Variants in NAT8L observed in about 807,000 individuals in gnomAD.
NAT8L encodes the protein aspartate N-acetyltransferase.
In NAT8L, 6 loss-of-function variants were observed where a neutral mutation model predicts 21.2. That is an observed-to-expected ratio of 0.28 (90% CI 0.16 to 0.56). The LOEUF is 0.56. Among genes scored for constraint, NAT8L ranks in the 20% least tolerant of loss-of-function variants. The probability of loss-of-function intolerance (pLI) is 0.93; values close to 1 mark genes in which losing one functional copy is unlikely to be tolerated. For missense variants in NAT8L, 331 were observed against 433.3 expected, an observed-to-expected ratio of 0.76 and a Z score of 2.10; for synonymous variants, 239 against 204.9, an observed-to-expected ratio of 1.17 and a Z score of -1.42.
rs1458685854 is a variant in NAT8L, at chr4:2,060,630, C to T, written c.377-368C>T. Among the ~76,000 whole-genome samples the T allele has an allele frequency of 5.3e-5, 8 of 151,718 alleles. No individual in the cohort carries two copies. The highest frequency in any genetic ancestry group is 1.2e-4 in the Non-Finnish European group (8 of 67,804). On this transcript the variant is annotated intron_variant, in intron 1 of 2. Coordinates refer to ENST00000423729, the MANE Select transcript of NAT8L (RefSeq NM_178557.4). This position sits in a 1 kb window ranked among gnomAD's most constrained non-coding sequence, Gnocchi z 4.7. ...ACGTGGGACACCCCCCTTCCTCCTC[C>T]CCCCTCCCCCCTCCCCCGCGCGGGG... is the stretch of plus-strand genomic sequence containing the variant.
Position 2,059,397 on chromosome 4 carries a change from TGC to T in NAT8L, c.-114_-113del. 1 of 237,284 alleles carries T rather than the reference TGC, an allele frequency of 4.2e-6. No homozygotes were observed. The highest frequency in any genetic ancestry group is 6.5e-6 in the Non-Finnish European group (1 of 154,058). 14.7% of individuals were successfully genotyped at this position (237,284 alleles called of 1,614,324 possible). On this transcript the variant is annotated 5_prime_UTR_variant, in exon 1 of 3. Transcript: ENST00000423729. The surrounding 1 kb of genome is among the most constrained non-coding windows in gnomAD (Gnocchi z 4.8). ...GAGCTGCCGCCGCCGCCGCCGCCGCTGCCGCCGCCGCCGCCGCCGCCGCGGGT... is the reference window on the plus strand; with the variant it reads ...GAGCTGCCGCCGCCGCCGCCGCCGCTCGCCGCCGCCGCCGCCGCCGCGGGT...
chr4:2,063,115 G>A (rs1379523160), intron 2 of NAT8L, among the ~76,000 whole-genome samples: 1 of 152,266 alleles, frequency 6.6e-6, no homozygotes, highest in Admixed American at 6.5e-5. Context: ...GCCAGGAGAG[G>A]CCGGGGCCAG....
Position 2,061,158 on chromosome 4 carries a change from G to C in NAT8L, c.537G>C (p.Pro179=). The stretch of plus-strand genomic sequence containing the variant: ...ACATCGAGCAGTACTACATGAAGCC[G>C]CCCGGTGAGTCCCGCTCCCGCCGCT... ...MADIEQYYMK[P]PGSCFWVAVL... The change falls in exon 2 of 3, where the codon CCG becomes CCC. Residue 179 remains proline, a synonymous_variant. Coordinates refer to ENST00000423729, the MANE Select transcript of NAT8L (RefSeq NM_178557.4). 1 of 1,610,172 alleles carries C rather than the reference G, an allele frequency of 6.2e-7. No individual in the cohort carries two copies. Among genetic ancestry groups the C allele is most frequent in the Non-Finnish European group, 8.5e-7 (1 of 1,178,612 alleles).
rs1166474274 is a variant in NAT8L at position 2,068,458 on chromosome 4, CATATGT to C, written c.*4334_*4339del. 6.6e-6 allele frequency: 1 copy of C among 152,160 alleles called. No individual in the cohort carries two copies. Among genetic ancestry groups the C allele is most frequent in the East Asian group, 1.9e-4 (1 of 5,192 alleles). 9.4% of individuals were successfully genotyped at this position (152,160 alleles called of 1,614,324 possible). A position where few individuals can be genotyped will look rare whatever the true frequency, so the allele number is the denominator to read the frequency against. The stretch of plus-strand genomic sequence containing the variant: ...TCTTGTGTACTTCTCTGAGGGGGCA[CATATGT>C]ATGAGTGTATGAGTGCATACATATG... On this transcript the variant is annotated 3_prime_UTR_variant, in exon 3 of 3. Coordinates refer to ENST00000423729, the MANE Select transcript of NAT8L (RefSeq NM_178557.4).
At chr4:2,063,732 G>A in intron 2 of NAT8L, 28 bp from the exon 3 acceptor site, 1 of 1,608,156 alleles carries the variant, frequency 6.2e-7, no homozygotes, top group Non-Finnish European at 8.5e-7. Flanking sequence ...TCCTCACCGG[G>A]TGTCCCTGAC....
chr4:2,059,389 GC>G lies in NAT8L; in HGVS notation c.-121del. ...GCGCCCCTGAGCTGCCGCCGCCGCC[GC>G]CGCCGCTGCCGCCGCCGCCGCCGCC... On this transcript the variant is annotated 5_prime_UTR_variant, in exon 1 of 3. Coordinates refer to ENST00000423729, the MANE Select transcript of NAT8L (RefSeq NM_178557.4). The surrounding 1 kb of genome is among the most constrained non-coding windows in gnomAD (Gnocchi z 4.8). 2 of 209,544 alleles carry G rather than the reference GC, an allele frequency of 9.5e-6. No individual in the cohort carries two copies. The highest frequency in any genetic ancestry group is 1.6e-5 in the Non-Finnish European group (2 of 125,074). 13.0% of individuals were successfully genotyped at this position (209,544 alleles called of 1,614,324 possible). A position where few individuals can be genotyped will look rare whatever the true frequency, so the allele number is the denominator to read the frequency against.
Position 2,060,041 on chromosome 4 carries a change from A to T in NAT8L, c.376+154A>T, listed in dbSNP as rs1417712752. 6.6e-6 allele frequency among the ~76,000 whole-genome samples: 1 copy of T among 151,176 alleles called. No individual in the cohort carries two copies. Among genetic ancestry groups the T allele is most frequent in the Non-Finnish European group, 1.5e-5 (1 of 67,706 alleles). On this transcript the variant is annotated intron_variant, in intron 1 of 2. Transcript: ENST00000423729. The surrounding 1 kb of genome is among the most constrained non-coding windows in gnomAD (Gnocchi z 4.7). ...CGCCGGGCCCCGCGCAGGGCTGGCT[A>T]TGGGCGTGGGGATGGGCGCAGGGCC... is the stretch of plus-strand genomic sequence containing the variant.
In NAT8L at chr4:2,059,331, G is replaced by C. The variant is rs1356175580; in HGVS notation, c.-181G>C. 1.4e-5 allele frequency among the ~76,000 whole-genome samples: 2 copies of C among 145,096 alleles called. No individual in the cohort carries two copies. Among genetic ancestry groups the C allele is most frequent in the Non-Finnish European group, 3.1e-5 (2 of 65,472 alleles). ...TCTCCAAAATGCGGCGCAGCTCCCT[G>C]CGCGCGCCCCGGCCGCCCGCCGCCT... is the stretch of plus-strand genomic sequence containing the variant. On this transcript the variant is annotated 5_prime_UTR_variant, in exon 1 of 3. Transcript: ENST00000423729. This position sits in a 1 kb window ranked among gnomAD's most constrained non-coding sequence, Gnocchi z 4.8.
Position 2,064,213 on chromosome 4 carries a change from C to G in NAT8L, c.*86C>G. ...CCGCCCGGCGCGGCCTGCTTTCAGA[C>G]GCTCAATTGGCGTTTGTGTTGGGTT... is the stretch of plus-strand genomic sequence containing the variant. On this transcript the variant is annotated 3_prime_UTR_variant, in exon 3 of 3. Coordinates refer to ENST00000423729, the MANE Select transcript of NAT8L (RefSeq NM_178557.4). The G allele has an allele frequency of 2.0e-6, 2 of 987,112 alleles. No individual in the cohort carries two copies. Among genetic ancestry groups the G allele is most frequent in the Non-Finnish European group, 2.5e-6 (2 of 785,956 alleles). 61.1% of individuals were successfully genotyped at this position (987,112 alleles called of 1,614,324 possible). A position where few individuals can be genotyped will look rare whatever the true frequency, so the allele number is the denominator to read the frequency against.
Position 2,061,007 on chromosome 4 carries a change from T to G in NAT8L, c.386T>G (p.Phe129Cys), listed in dbSNP as rs1729846512. 6.5e-7 allele frequency: 1 copy of G among 1,541,378 alleles called. No homozygotes were observed. The highest frequency in any genetic ancestry group is 8.8e-7 in the Non-Finnish European group (1 of 1,138,440). The change falls in exon 2 of 3, where the codon TTC (phenylalanine) becomes TGC (cysteine). Residue 129 changes from phenylalanine (F) to cysteine (C), a missense_variant. This residue lies in a region of NAT8L where 199 missense variants were observed against 196.1 expected (regional missense o/e 1.01). Transcript: ENST00000423729. ...LLYALLAALC[F>C]AVSRSLLLTC... ...CGCCCTCTGCCCCCAGCGCTGTGCT[T>G]CGCCGTGAGCCGCTCGCTGCTGCTG...
At position 2,067,542 on chromosome 4, in the gene NAT8L, T is replaced by C. The variant is rs1730029471; in HGVS notation, c.*3415T>C. ...GGTGCTGGGGAAGCTCTCTGGGCCA[T>C]AGGGACCTGGCTCCCCTCTGAGAGG... is the stretch of plus-strand genomic sequence containing the variant. On this transcript the variant is annotated 3_prime_UTR_variant, in exon 3 of 3. Coordinates refer to ENST00000423729, the MANE Select transcript of NAT8L (RefSeq NM_178557.4). The C allele has an allele frequency of 6.6e-6, 1 of 152,318 alleles. No individual in the cohort carries two copies. Among genetic ancestry groups the C allele is most frequent in the Non-Finnish European group, 1.5e-5 (1 of 68,130 alleles). The allele number at this position is 152,318 out of a possible 1,614,324, so 9.4% of individuals were successfully genotyped here.
Position 2,059,881 on chromosome 4 carries a change from C to T in NAT8L, c.370C>T (p.Leu124=). ...HPRAQLLYAL[L]AALCFAVSRS... ...GCGCGCGCAGCTGCTCTACGCCCTGCTGGCGGGTCAGTGCGCCGGGCCCCC... is the reference window on the plus strand; with the variant it reads ...GCGCGCGCAGCTGCTCTACGCCCTGTTGGCGGGTCAGTGCGCCGGGCCCCC... The change falls in exon 1 of 3, where the codon CTG becomes TTG. Residue 124 remains leucine, a synonymous_variant. Transcript: ENST00000423729. The surrounding 1 kb of genome is among the most constrained non-coding windows in gnomAD (Gnocchi z 4.8). 1 of 1,330,362 alleles carries T rather than the reference C, an allele frequency of 7.5e-7. No individual in the cohort carries two copies. The allele number at this position is 1,330,362 out of a possible 1,614,324, so 82.4% of individuals were successfully genotyped here.
rs1272989482 is a variant in NAT8L, at chr4:2,059,373, AGCTGCCGCCGCCGCCGCCGCC to A, written c.-115_-95del. ...CCGCCGCCTCCGCCCCGCGCCCCTG[AGCTGCCGCCGCCGCCGCCGCC>A]GCTGCCGCCGCCGCCGCCGCCGCCG... On this transcript the variant is annotated 5_prime_UTR_variant, in exon 1 of 3. Transcript: ENST00000423729. The surrounding 1 kb of genome is among the most constrained non-coding windows in gnomAD (Gnocchi z 4.8). 2.4e-4 allele frequency: 38 copies of A among 157,454 alleles called. No individual in the cohort carries two copies. The highest frequency in any genetic ancestry group is 2.8e-4 in the African/African-American group (11 of 38,676). 9.8% of individuals were successfully genotyped at this position (157,454 alleles called of 1,614,324 possible).
rs1729967957 is a variant in NAT8L, at chr4:2,064,953, G to C, written c.*826G>C. On this transcript the variant is annotated 3_prime_UTR_variant, in exon 3 of 3. Transcript: ENST00000423729. ...GCTGGCCTCTCCCAGATGTCCCCGGGGACCTCCTGCCTCTGGCTGACGGTC... is the reference window on the plus strand; with the variant it reads ...GCTGGCCTCTCCCAGATGTCCCCGGCGACCTCCTGCCTCTGGCTGACGGTC... 1 of 152,428 alleles carries C rather than the reference G, an allele frequency of 6.6e-6. No individual in the cohort carries two copies. Among genetic ancestry groups the C allele is most frequent in the South Asian group, 2.1e-4 (1 of 4,824 alleles). The allele number at this position is 152,428 out of a possible 1,614,324, so 9.4% of individuals were successfully genotyped here.
Position 2,068,925 on chromosome 4 carries a change from G to A in NAT8L, c.*4798G>A, listed in dbSNP as rs1486218449. The A allele has an allele frequency of 6.6e-6, 1 of 152,182 alleles. No individual in the cohort carries two copies. Among genetic ancestry groups the A allele is most frequent in the Non-Finnish European group, 1.5e-5 (1 of 68,022 alleles). The allele number at this position is 152,182 out of a possible 1,614,324, so 9.4% of individuals were successfully genotyped here. On this transcript the variant is annotated 3_prime_UTR_variant, in exon 3 of 3. Transcript: ENST00000423729. ...CCCGAAACTGTACTGTGAGCCCACG[G>A]CGGGGGCAGATTGTTCTGAGGCCCC...
rs751019244 is a variant in NAT8L, at chr4:2,066,516, G to A, written c.*2389G>A. The A allele has an allele frequency of 6.6e-5, 10 of 152,370 alleles. No individual in the cohort carries two copies. The highest frequency in any genetic ancestry group is 2.6e-4 in the Admixed American group (4 of 15,308). 9.4% of individuals were successfully genotyped at this position (152,370 alleles called of 1,614,324 possible). A position where few individuals can be genotyped will look rare whatever the true frequency, so the allele number is the denominator to read the frequency against. On this transcript the variant is annotated 3_prime_UTR_variant, in exon 3 of 3. Transcript: ENST00000423729. ...CCTTGAAGGCCACTGGGGGGTAGGT[G>A]TGTCCTCCCCCGGGGCTGGAGGCCG...
At position 2,059,999 on chromosome 4, in the gene NAT8L, C is replaced by T. The variant is rs1193002071; in HGVS notation, c.376+112C>T. 9 of 577,312 alleles carry T rather than the reference C, an allele frequency of 1.6e-5. No homozygotes were observed. The highest frequency in any genetic ancestry group is 2.1e-5 in the Non-Finnish European group (9 of 426,658). The allele number at this position is 577,312 out of a possible 1,614,324, so 35.8% of individuals were successfully genotyped here. A position where few individuals can be genotyped will look rare whatever the true frequency, so the allele number is the denominator to read the frequency against. ...GGCTCCCGGGGACCAGCCTGGGAAG[C>T]CCCCCGCTTTCTGCCGCGCCGGGCC... On this transcript the variant is annotated intron_variant, in intron 1 of 2. Transcript: ENST00000423729. The surrounding 1 kb of genome is among the most constrained non-coding windows in gnomAD (Gnocchi z 4.8).
rs1223509710 is a variant in NAT8L, at chr4:2,059,805, C to T, written c.294C>T (p.Gly98=). The T allele has an allele frequency of 1.8e-5, 25 of 1,391,874 alleles. No homozygotes were observed. Among genetic ancestry groups the T allele is most frequent in the Non-Finnish European group, 2.3e-5 (24 of 1,063,822 alleles). 86.2% of individuals were successfully genotyped at this position (1,391,874 alleles called of 1,614,324 possible). ...CGGCGCGCCGCATCTTCTACGACGGCATCATGGAGCGCATCCCTAACACGG... is the reference window on the plus strand; with the variant it reads ...CGGCGCGCCGCATCTTCTACGACGGTATCATGGAGCGCATCCCTAACACGG... ...QEAARRIFYD[G]IMERIPNTAF... Residue 98 remains glycine, a synonymous_variant, in exon 1 of 3, where the codon GGC becomes GGT. Transcript: ENST00000423729. This position sits in a 1 kb window ranked among gnomAD's most constrained non-coding sequence, Gnocchi z 4.8.
At position 2,060,865 on chromosome 4, in the gene NAT8L, G is replaced by A; in HGVS notation, c.377-133G>A. 2 of 458,688 alleles carry A rather than the reference G, an allele frequency of 4.4e-6. No homozygotes were observed. The highest frequency in any genetic ancestry group is 4.5e-5 in the Admixed American group (1 of 22,142). 28.4% of individuals were successfully genotyped at this position (458,688 alleles called of 1,614,324 possible). On this transcript the variant is annotated intron_variant, in intron 1 of 2. Coordinates refer to ENST00000423729, the MANE Select transcript of NAT8L (RefSeq NM_178557.4). The surrounding 1 kb of genome is among the most constrained non-coding windows in gnomAD (Gnocchi z 4.7). The stretch of plus-strand genomic sequence containing the variant: ...GCTTGGAAATAGGGAGAAGTAGAAA[G>A]CACCCGAGATGACCCCGGCTCCTCC...
Sources: gnomAD v4.1 joint callset for allele counts (sites outside exome capture counted in the v4.1 genomes callset) on GRCh38, gnomAD v4.1.1 for gene constraint, gnomAD v4.1.1 regional missense constraint, Gnocchi (gnomAD v3.1) non-coding constraint, MANE v1.5 for transcripts, NCBI Gene and HGNC (gene_info 2026-07-23, HGNC 2026-07-21) for gene names.